The following C8orf34 variants were observed in gnomAD, a reference collection of about 807,000 sequenced individuals.
The protein encoded by C8orf34 is chromosome 8 open reading frame 34, also known as uncharacterized protein C8orf34.
In C8orf34, 65 loss-of-function variants were observed where a neutral mutation model predicts 68.3. The ratio of observed to expected loss-of-function variants is 0.95; its 90% CI spans 0.78 to 1.17. The LOEUF is 1.17. C8orf34 is among the 50% of genes most tolerant of loss of function. The pLI is 0.00. For missense variants in C8orf34, 664 were observed against 655.4 expected, an observed-to-expected ratio of 1.01 and a Z score of -0.14; for synonymous variants, 244 against 241.2, an observed-to-expected ratio of 1.01 and a Z score of -0.11.
At chr8:68,509,391 G>A (rs147669963) in intron 5 of C8orf34, among the ~76,000 whole-genome samples, 1 of 152,300 alleles carries the variant, frequency 6.6e-6, no homozygotes, top group East Asian at 1.9e-4. Context: ...GTGTGCACAG[G>A]GAGAGGGAAG....
At chr8:68,602,469 G>A (rs972941124) in intron 7 of C8orf34, among the ~76,000 whole-genome samples, 1 of 152,014 alleles carries the variant, frequency 6.6e-6, no homozygotes, top group Non-Finnish European at 1.5e-5. Flanking sequence ...GAGTGAAGGG[G>A]GAAGCCCCTT....
chr8:68,782,234 C>T (rs1222486574), intron 11 of C8orf34, among the ~76,000 whole-genome samples: 1 of 151,806 alleles, frequency 6.6e-6, no homozygotes, highest in Non-Finnish European at 1.5e-5. Flanking sequence ...GTGTGATTTC[C>T]CTCTCTGAAA....
intron 4 of C8orf34, among the ~76,000 whole-genome samples, chr8:68,476,682 T>C (rs542189313): frequency 1.0e-3 from 153 of 152,190 alleles, no homozygotes; most frequent in Non-Finnish European, 9.0e-4. Context: ...GGGAAAACCA[T>C]ACATATTTAT....
intron 4 of C8orf34, among the ~76,000 whole-genome samples, chr8:68,483,990 T>C (rs117926822): frequency 5.8e-4 from 89 of 152,312 alleles, no homozygotes; most frequent in Admixed American, 1.0e-3. Context: ...TGTGAAGAAA[T>C]ACCTGAGTCT....
At chr8:68,538,265 A>G (rs1246207659) in intron 7 of C8orf34, among the ~76,000 whole-genome samples, 1 of 152,160 alleles carries the variant, frequency 6.6e-6, no homozygotes, top group Admixed American at 6.5e-5. Flanking sequence ...TGTGATTGGC[A>G]TATGTGGTGG....
chr8:68,531,901 T>C (rs1815262109), intron 6 of C8orf34, among the ~76,000 whole-genome samples: 1 of 152,018 alleles, frequency 6.6e-6, no homozygotes, highest in Admixed American at 6.6e-5. Context: ...GAGCATTTCT[T>C]CACTCCCAAA....
At chr8:68,393,074 A>G (rs1348710095) in intron 1 of C8orf34, among the ~76,000 whole-genome samples, 1 of 152,150 alleles carries the variant, frequency 6.6e-6, no homozygotes, top group East Asian at 1.9e-4. Context: ...AAATGGATGT[A>G]TAGCTTGTAT....
intron 1 of C8orf34, among the ~76,000 whole-genome samples, chr8:68,379,598 A>G (rs1341996504): frequency 6.6e-6 from 1 of 151,970 alleles, no homozygotes; most frequent in Non-Finnish European, 1.5e-5. Context: ...CATTCCTTTC[A>G]TTGCTTCCAT....
chr8:68,746,303 C>G (rs1243620490), intron 10 of C8orf34, among the ~76,000 whole-genome samples: 1 of 103,042 alleles, frequency 9.7e-6, no homozygotes, highest in Non-Finnish European at 1.9e-5. Context: ...AAAATTGACA[C>G]CCTAACATCA....
intron 7 of C8orf34, among the ~76,000 whole-genome samples, chr8:68,559,739 A>T (rs982736709): frequency 1.3e-5 from 2 of 152,208 alleles, no homozygotes; most frequent in African/African-American, 4.8e-5. Flanking sequence ...GCATGTAGCC[A>T]GGAACTTCAA....
intron 5 of C8orf34, among the ~76,000 whole-genome samples, chr8:68,497,789 G>C (rs181699115): frequency 8.6e-5 from 13 of 151,832 alleles, no homozygotes; most frequent in African/African-American, 3.1e-4. Flanking sequence ...ATTCATCTAA[G>C]TAAGTGCAAT....
intron 8 of C8orf34, among the ~76,000 whole-genome samples, chr8:68,685,044 T>C (rs1168677150): frequency 6.6e-6 from 1 of 152,100 alleles, no homozygotes; most frequent in Non-Finnish European, 1.5e-5. Context: ...CTCAAGGAAA[T>C]AAAAAATTTG....
chr8:68,472,623 A>T (rs1262437698), intron 4 of C8orf34, among the ~76,000 whole-genome samples: 1 of 152,188 alleles, frequency 6.6e-6, no homozygotes, highest in Non-Finnish European at 1.5e-5. Context: ...ATTCACTTAT[A>T]GCATGCTTCA....
intron 8 of C8orf34, among the ~76,000 whole-genome samples, chr8:68,657,733 G>T (rs568952742): frequency 6.6e-6 from 1 of 152,192 alleles, no homozygotes; most frequent in African/African-American, 2.4e-5. Flanking sequence ...CATATCTGTT[G>T]CTTCCTTTGT....
chr8:68,474,387 G>C (rs1389684787), intron 4 of C8orf34, among the ~76,000 whole-genome samples: 3 of 151,986 alleles, frequency 2.0e-5, no homozygotes, highest in African/African-American at 7.3e-5. Flanking sequence ...ATCAAATCTT[G>C]CTAATTTTTC....
chr8:68,482,528 G>A (rs1448234014), intron 4 of C8orf34, among the ~76,000 whole-genome samples: 1 of 152,122 alleles, frequency 6.6e-6, no homozygotes, highest in Admixed American at 6.5e-5. Context: ...TCCCACCTCG[G>A]CTTCCCAAAG....
chr8:68,768,688 C>T (rs2129528285), intron 10 of C8orf34, among the ~76,000 whole-genome samples: 1 of 152,242 alleles, frequency 6.6e-6, no homozygotes, highest in Non-Finnish European at 1.5e-5. Flanking sequence ...AAATTATTTG[C>T]ACATGCTTTC....
chr8:68,422,587 T>G (rs1810027371), intron 1 of C8orf34, among the ~76,000 whole-genome samples: 1 of 152,182 alleles, frequency 6.6e-6, no homozygotes, highest in Admixed American at 6.5e-5. Context: ...TCCTCCAGCT[T>G]TGCCAGGAAC....
At chr8:68,761,852 G>T (rs1011727059) in intron 10 of C8orf34, among the ~76,000 whole-genome samples, 5 of 152,044 alleles carry the variant, frequency 3.3e-5, no homozygotes, top group Non-Finnish European at 7.4e-5. Flanking sequence ...TAACACTACA[G>T]TGTGGCTGTG....
Sources: gnomAD v4.1 joint callset for allele counts (sites outside exome capture counted in the v4.1 genomes callset) on GRCh38, gnomAD v4.1.1 for gene constraint, MANE v1.5 for transcripts, NCBI Gene and HGNC (gene_info 2026-07-23, HGNC 2026-07-21) for gene names.